FRMPD3: variants seen among roughly 807,000 people sequenced by gnomAD.
The protein encoded by FRMPD3 is FERM and PDZ domain containing 3.
FRMPD3 carries 42 observed loss-of-function variants against 97.9 expected under a neutral mutation model. That is an observed-to-expected ratio of 0.43 (90% CI 0.34 to 0.55). The LOEUF is 0.55. FRMPD3 is among the 20% of genes least tolerant of loss of function. The pLI, the probability that FRMPD3 is intolerant of heterozygous loss-of-function variation, is 0.03. For missense variants in FRMPD3, 1,303 were observed against 1,457.7 expected, an observed-to-expected ratio of 0.89 and a Z score of 1.73; for synonymous variants, 577 against 581.1, an observed-to-expected ratio of 0.99 and a Z score of 0.10.
At chrX:107,577,161 C>G (rs112442583) in intron 13 of FRMPD3, among the ~76,000 whole-genome samples, 7,811 of 53,356 alleles carry the variant, frequency 0.15, 1,317 homozygotes, top group African/African-American at 0.48. Flanking sequence ...CCTGTCTCTA[C>G]TAAAAAAAAA....
At chrX:107,533,099 A>G (rs1036620496) in intron 3 of FRMPD3, among the ~76,000 whole-genome samples, 39 of 111,711 alleles carry the variant, frequency 3.5e-4, no homozygotes, top group Non-Finnish European at 3.4e-4. Context: ...CCAAATTACC[A>G]ATAATCATTG....
rs768195672 is a variant in FRMPD3, at chrX:107,602,597, A to G, written c.4558A>G (p.Ile1520Val). The change falls in exon 15 of 15, where the codon ATC (isoleucine) becomes GTC (valine). Residue 1520 changes from isoleucine (I) to valine (V), a missense_variant. By Grantham distance (29) the Ile-to-Val change is conservative. This residue lies in a region of FRMPD3 where 764 missense variants were observed against 820.2 expected (regional missense o/e 0.93). Transcript: ENST00000683843. ...TGGCAAGGATGAGCTCTCCTACTCT[A>G]TCCCCATGAAGATCCTGCCTGGCAT... ...SDGKDELSYS[I>V]PMKILPGMKL... The G allele has an allele frequency of 1.7e-6, 2 of 1,211,216 alleles. No homozygotes were observed. The highest frequency in any genetic ancestry group is 2.2e-6 in the Non-Finnish European group (2 of 895,435).
chrX:107,551,305 A>G (rs1332955793), intron 6 of FRMPD3, among the ~76,000 whole-genome samples: 1 of 110,965 alleles, frequency 9.0e-6, no homozygotes, highest in African/African-American at 3.3e-5. Context: ...TCTTTTGGCT[A>G]TTGAAGGGGG....
At chrX:107,593,362 A>G (rs760941204) in intron 13 of FRMPD3, among the ~76,000 whole-genome samples, 1 of 110,788 alleles carries the variant, frequency 9.0e-6, no homozygotes, top group South Asian at 3.9e-4. Flanking sequence ...TACTCTGTTG[A>G]CTGTACCTTT....
At chrX:107,543,025 T>C (rs1921390756) in intron 4 of FRMPD3, among the ~76,000 whole-genome samples, 1 of 111,935 alleles carries the variant, frequency 8.9e-6, no homozygotes, top group Non-Finnish European at 1.9e-5. Flanking sequence ...CAGAATTCAT[T>C]CACTTTTCAA....
Position 107,565,052 on chromosome X carries a change from A to G in FRMPD3, c.1282A>G (p.Ile428Val). ...GGGCGTGGCCCGGGTGGAGACCAGC[A>G]TCATGGATGCCAAGGTAAGCCCTGC... ...NQGVARVETSIMDAKPLVLLM... is the reference protein window; with the variant it reads ...NQGVARVETSVMDAKPLVLLM... The change falls in exon 12 of 15, where the codon ATC (isoleucine) becomes GTC (valine). Residue 428 changes from isoleucine to valine, a missense_variant. By Grantham distance (29) the Ile-to-Val change is conservative. Around this residue, in one of 3 missense-constraint regions of FRMPD3, gnomAD observed 535 missense variants for 618.6 expected, o/e 0.86. Coordinates refer to ENST00000683843, the MANE Select transcript of FRMPD3 (RefSeq NM_001388459.1). 1 of 1,184,945 alleles carries G rather than the reference A, an allele frequency of 8.4e-7. No individual in the cohort carries two copies. The highest frequency in any genetic ancestry group is 1.9e-5 in the South Asian group (1 of 52,170).
intron 1 of FRMPD3, among the ~76,000 whole-genome samples, chrX:107,468,824 C>T (rs921590574): frequency 2.7e-5 from 3 of 112,839 alleles, no homozygotes; most frequent in Non-Finnish European, 5.6e-5. Context: ...AGAGATACAC[C>T]TCCACGTGGG....
intron 1 of FRMPD3, among the ~76,000 whole-genome samples, chrX:107,489,762 A>G (rs1375253810): frequency 3.6e-5 from 4 of 111,861 alleles, no homozygotes; most frequent in Non-Finnish European, 7.5e-5. Context: ...AGTAGGTTGC[A>G]TAAATTTTCT....
At chrX:107,546,705 G>A (rs1033794178) in intron 5 of FRMPD3, among the ~76,000 whole-genome samples, 1 of 112,210 alleles carries the variant, frequency 8.9e-6, no homozygotes, top group African/African-American at 3.2e-5. Flanking sequence ...TGATAACCTG[G>A]TGGGGACAGA....
At chrX:107,512,292 C>G (rs1030833323) in intron 1 of FRMPD3, among the ~76,000 whole-genome samples, 19 of 111,481 alleles carry the variant, frequency 1.7e-4, no homozygotes, top group East Asian at 5.6e-4. Flanking sequence ...ACTGTCATTA[C>G]CATGTGGCCC....
chrX:107,576,374 G>T lies in FRMPD3; in HGVS notation c.1356G>T (p.Gly452=), dbSNP rs765438460. The T allele has an allele frequency of 3.3e-6, 4 of 1,210,673 alleles. No individual in the cohort carries two copies. The highest frequency in any genetic ancestry group is 4.5e-6 in the Non-Finnish European group (4 of 895,244). Residue 452 remains glycine (G), a synonymous_variant, in exon 13 of 15, where the codon GGG becomes GGT. Transcript: ENST00000683843. ...EATNFACLIA[G]YCRLLLDSRK... ...CCAACTTTGCCTGCCTGATCGCGGG[G>T]TACTGCCGCCTCTTGCTGGATTCCA...
chrX:107,475,291 T>C (rs1921171099), intron 1 of FRMPD3, among the ~76,000 whole-genome samples: 1 of 112,123 alleles, frequency 8.9e-6, no homozygotes, highest in African/African-American at 3.2e-5. Context: ...TTCAAGTGTC[T>C]GCTCTGCTCT....
In FRMPD3 at chrX:107,509,624, T is replaced by C. The variant is rs1187582691; in HGVS notation, c.-7-16958T>C. ...CCTCTTTACTGAATCTTCTTAACTT[T>C]TCATTTGCTGTCAGGTTTGACATTC... On this transcript the variant is annotated intron_variant, in intron 1 of 14. Transcript: ENST00000683843. Among the ~76,000 whole-genome samples, 8 of 111,661 alleles carry C rather than the reference T, an allele frequency of 7.2e-5. No individual in the cohort carries two copies. In the Admixed American group the frequency reaches 7.6e-4, roughly 11 times the overall value.
intron 13 of FRMPD3, among the ~76,000 whole-genome samples, chrX:107,583,624 A>G (rs1923499987): frequency 8.9e-6 from 1 of 111,859 alleles, no homozygotes; most frequent in Non-Finnish European, 1.9e-5. Flanking sequence ...TTGCTGAGTC[A>G]AATGGTATTT....
At chrX:107,479,863 C>G (rs942596103) in intron 1 of FRMPD3, among the ~76,000 whole-genome samples, 7 of 104,320 alleles carry the variant, frequency 6.7e-5, no homozygotes, top group African/African-American at 2.5e-4. Context: ...CACACACACA[C>G]ACAGAGAGAG....
chrX:107,539,070 A>T (rs1489025011), intron 4 of FRMPD3, among the ~76,000 whole-genome samples: 1 of 112,550 alleles, frequency 8.9e-6, no homozygotes, highest in Non-Finnish European at 1.9e-5. Flanking sequence ...AAAAAAAAGA[A>T]AACATGAAAA....
chrX:107,464,769 A>G, intron 1 of FRMPD3, among the ~76,000 whole-genome samples: 1 of 111,903 alleles, frequency 8.9e-6, no homozygotes, highest in East Asian at 2.8e-4. Flanking sequence ...CCTGATTCAA[A>G]AGAACACCTT....
chrX:107,565,854 A>G (rs1377223188), intron 12 of FRMPD3, among the ~76,000 whole-genome samples: 3 of 112,082 alleles, frequency 2.7e-5, no homozygotes, highest in African/African-American at 6.5e-5. Flanking sequence ...ATAGGAATGA[A>G]TATCTTGGCC....
intron 2 of FRMPD3, among the ~76,000 whole-genome samples, chrX:107,527,646 G>A (rs765349109): frequency 8.9e-6 from 1 of 112,571 alleles, no homozygotes; most frequent in Non-Finnish European, 1.9e-5. Context: ...AAAGACAGAC[G>A]GAATGGAGCT....
Sources: gnomAD v4.1 joint callset for allele counts (sites outside exome capture counted in the v4.1 genomes callset) on GRCh38, gnomAD v4.1.1 for gene constraint, gnomAD v4.1.1 regional missense constraint, MANE v1.5 for transcripts, NCBI Gene and HGNC (gene_info 2026-07-23, HGNC 2026-07-21) for gene names.